HPS6: variants seen among roughly 807,000 people sequenced by gnomAD.
The protein encoded by HPS6 is HPS6 biogenesis of lysosomal organelles complex 2 subunit 3, also known as BLOC-2 complex member HPS6.
In HPS6, 46 loss-of-function variants were observed where a neutral mutation model predicts 53.6. The ratio of observed to expected loss-of-function variants is 0.86; its 90% CI spans 0.68 to 1.10. The LOEUF (loss-of-function observed/expected upper bound fraction) is 1.10. Among genes scored for constraint, HPS6 ranks in the 50% least tolerant of loss-of-function variants. The probability of loss-of-function intolerance (pLI) is 0.00; values close to 1 mark genes in which losing one functional copy is unlikely to be tolerated. For missense variants in HPS6, 1,034 were observed against 991.3 expected (o/e 1.04, Z -0.58); for synonymous variants, 535 against 470.8 (o/e 1.14, Z -1.77).
In HPS6 at chr10:102,066,548, G is replaced by A. The variant is rs1035404221; in HGVS notation, c.1074G>A (p.Pro358=). 1.2e-6 allele frequency: 2 copies of A among 1,614,170 alleles called. No homozygotes were observed. Among genetic ancestry groups the A allele is most frequent in the Non-Finnish European group, 1.7e-6 (2 of 1,180,044 alleles). Residue 358 remains proline, a synonymous_variant, in exon 1 of 1, where the codon CCG becomes CCA. Coordinates refer to ENST00000299238, the MANE Select transcript of HPS6 (RefSeq NM_024747.6). ...CAGACAGGGTACATCTGCTAGAACC[G>A]CCAGCCCCCGGCATGGAGGATGAGG... ...LSTDRVHLLE[P]PAPGMEDEEE... is the part of the protein sequence containing the mutation.
rs2067969237 is a variant in HPS6 at position 102,066,255 on chromosome 10, T to A, written c.781T>A (p.Leu261Met). Reference protein sequence around the residue: ...FRTLLRGLPGLLSPREPLAVH... With the variant: ...FRTLLRGLPGMLSPREPLAVH... ...GACCCTGCTCCGAGGCCTTCCTGGGTTGCTGTCCCCCAGGGAGCCACTGGC... is the reference window on the plus strand; with the variant it reads ...GACCCTGCTCCGAGGCCTTCCTGGGATGCTGTCCCCCAGGGAGCCACTGGC... The change falls in exon 1 of 1, where the codon TTG becomes ATG. Residue 261 changes from leucine (L) to methionine (M), a missense_variant. Transcript: ENST00000299238. 6.2e-7 allele frequency: 1 copy of A among 1,613,910 alleles called. No homozygotes were observed.
In HPS6 at chr10:102,065,518, C is replaced by G. The variant is rs764430976; in HGVS notation, c.44C>G (p.Ala15Gly). ...CTGCGGCTGCTCTCGGACCTGAGCGCCTTCGGCGGCGCGGCGCGGCTCCGG... is the reference window on the plus strand; with the variant it reads ...CTGCGGCTGCTCTCGGACCTGAGCGGCTTCGGCGGCGCGGCGCGGCTCCGG... The part of the protein sequence containing the change: ...GTLRLLSDLS[A>G]FGGAARLREL... Residue 15 changes from alanine to glycine, a missense_variant, in exon 1 of 1, where the codon GCC becomes GGC. Physicochemically the swap from Ala to Gly is moderately conservative, Grantham distance 60. Transcript: ENST00000299238. 11 of 1,554,730 alleles carry G rather than the reference C, an allele frequency of 7.1e-6. No individual in the cohort carries two copies. Among genetic ancestry groups the G allele is most frequent in the Non-Finnish European group, 9.5e-6 (11 of 1,162,044 alleles).
In HPS6 at chr10:102,066,124, T is replaced by G; in HGVS notation, c.650T>G (p.Leu217Arg). 6.2e-7 allele frequency: 1 copy of G among 1,613,732 alleles called. No individual in the cohort carries two copies. Among genetic ancestry groups the G allele is most frequent in the Non-Finnish European group, 8.5e-7 (1 of 1,180,032 alleles). Residue 217 changes from leucine to arginine, a missense_variant, in exon 1 of 1, where the codon CTC (leucine) becomes CGC (arginine). Transcript: ENST00000299238. Reference sequence around the variant, plus strand: ...TGGCCTGGCGTGGCCCACGTTCTACTCATCTGGAGCCCAGGCAAGGGCAAA... The same window carrying G: ...TGGCCTGGCGTGGCCCACGTTCTACGCATCTGGAGCCCAGGCAAGGGCAAA... ...TTWPGVAHVL[L>R]IWSPGKGKVM...
chr10:102,067,398 C>A lies in HPS6; in HGVS notation c.1924C>A (p.Gln642Lys). 6.2e-7 allele frequency: 1 copy of A among 1,612,904 alleles called. No homozygotes were observed. Residue 642 changes from glutamine (Q) to lysine (K), a missense_variant, in exon 1 of 1, where the codon CAG (glutamine) becomes AAG (lysine). Physicochemically the swap from Gln to Lys is moderately conservative, Grantham distance 53. Transcript: ENST00000299238. ...RPKAVLQAVG[Q>K]LVQKEQWDRA... ...TAAAGCTGTGCTCCAAGCTGTCGGGCAGCTGGTGCAAAAGGAACAATGGGA... is the reference window on the plus strand; with the variant it reads ...TAAAGCTGTGCTCCAAGCTGTCGGGAAGCTGGTGCAAAAGGAACAATGGGA...
At position 102,066,818 on chromosome 10, in the gene HPS6, A is replaced by G. The variant is rs2067974550; in HGVS notation, c.1344A>G (p.Pro448=). 2 of 1,614,180 alleles carry G rather than the reference A, an allele frequency of 1.2e-6. No individual in the cohort carries two copies. Among genetic ancestry groups the G allele is most frequent in the African/African-American group, 2.7e-5 (2 of 75,046 alleles). ...LASILQGHLP[P]SALLTMLRTE... ...CCATCCTCCAGGGCCACCTGCCCCC[A>G]TCTGCACTGCTGACCATGTTGAGGA... The change falls in exon 1 of 1, where the codon CCA becomes CCG. Residue 448 remains proline (P), a synonymous_variant. Coordinates refer to ENST00000299238, the MANE Select transcript of HPS6 (RefSeq NM_024747.6).
In HPS6 at chr10:102,067,675, G is replaced by A; in HGVS notation, c.2201G>A (p.Gly734Asp). ...EPGAEPPLTV[G>D]LLKALLEQTG... ...GGAGCAGAGCCCCCTCTCACTGTGG[G>A]CTTGCTCAAAGCCCTGCTGGAGCAG... The change falls in exon 1 of 1, where the codon GGC (glycine) becomes GAC (aspartate). Residue 734 changes from glycine (G) to aspartate (D), a missense_variant. Coordinates refer to ENST00000299238, the MANE Select transcript of HPS6 (RefSeq NM_024747.6). 3 of 1,613,922 alleles carry A rather than the reference G, an allele frequency of 1.9e-6. No individual in the cohort carries two copies. The highest frequency in any genetic ancestry group is 2.2e-5 in the South Asian group (2 of 91,086).
At position 102,065,570 on chromosome 10, in the gene HPS6, C is replaced by A. The variant is rs752360566; in HGVS notation, c.96C>A (p.Val32=). ...AGCTGGTGGCCGGGGACTCAGCGGT[C>A]CGAGTCCGTGGCAGTCCGGACGGCC... ...LRELVAGDSA[V]RVRGSPDGRH... is the part of the protein sequence containing the mutation. The change falls in exon 1 of 1, where the codon GTC becomes GTA. Residue 32 remains valine (V), a synonymous_variant. Transcript: ENST00000299238. 1.3e-6 allele frequency: 2 copies of A among 1,548,694 alleles called. No individual in the cohort carries two copies. Among genetic ancestry groups the A allele is most frequent in the South Asian group, 1.2e-5 (1 of 84,784 alleles).
Position 102,067,533 on chromosome 10 carries a change from C to T in HPS6, c.2059C>T (p.His687Tyr), listed in dbSNP as rs2067981280. ...EFAQHRRLDA[H>Y]LPLLCRLCPP... Reference sequence around the variant, plus strand: ...TGCCCAGCACCGCCGGCTTGATGCTCACCTCCCCCTCCTTTGCCGCCTGTG... The same window carrying T: ...TGCCCAGCACCGCCGGCTTGATGCTTACCTCCCCCTCCTTTGCCGCCTGTG... Residue 687 changes from histidine to tyrosine, a missense_variant, in exon 1 of 1, where the codon CAC becomes TAC. Coordinates refer to ENST00000299238, the MANE Select transcript of HPS6 (RefSeq NM_024747.6). 2.5e-6 allele frequency: 4 copies of T among 1,613,730 alleles called. No individual in the cohort carries two copies. The highest frequency in any genetic ancestry group is 2.5e-6 in the Non-Finnish European group (3 of 1,180,038).
Position 102,066,748 on chromosome 10 carries a change from A to T in HPS6, c.1274A>T (p.Glu425Val). 7 of 1,614,056 alleles carry T rather than the reference A, an allele frequency of 4.3e-6. No individual in the cohort carries two copies. Among genetic ancestry groups the T allele is most frequent in the Non-Finnish European group, 5.9e-6 (7 of 1,180,014 alleles). ...SLRGAQLTPE[E>V]LRHSSTFRAP... ...CGGGGTGCCCAGCTCACTCCAGAAG[A>T]ACTGAGACACAGCAGCACATTCCGG... Residue 425 changes from glutamate (E) to valine (V), a missense_variant, in exon 1 of 1, where the codon GAA becomes GTA. Transcript: ENST00000299238.
Position 102,065,600 on chromosome 10 carries a change from C to T in HPS6, c.126C>T (p.His42=). The T allele has an allele frequency of 6.5e-7, 1 of 1,547,746 alleles. No homozygotes were observed. The highest frequency in any genetic ancestry group is 8.6e-7 in the Non-Finnish European group (1 of 1,158,898). Residue 42 remains histidine, a synonymous_variant, in exon 1 of 1, where the codon CAC becomes CAT. Coordinates refer to ENST00000299238, the MANE Select transcript of HPS6 (RefSeq NM_024747.6). ...TCCGTGGCAGTCCGGACGGCCGCCA[C>T]TTGCTGCTCCTGCGACCCCCTGGGG... is the stretch of plus-strand genomic sequence containing the variant. The part of the protein sequence containing the change: ...VRVRGSPDGR[H]LLLLRPPGAV...
chr10:102,067,739 C>T lies in HPS6; in HGVS notation c.2265C>T (p.Ser755=). 6.2e-7 allele frequency: 1 copy of T among 1,613,264 alleles called. No individual in the cohort carries two copies. Residue 755 remains serine, a synonymous_variant, in exon 1 of 1, where the codon AGC becomes AGT. Coordinates refer to ENST00000299238, the MANE Select transcript of HPS6 (RefSeq NM_024747.6). ...GATGGCTGTCGGGCCCAGTTCTAAG[C>T]CCATATGAGGACATCCTATGGGACC... The part of the protein sequence containing the change: ...AQGWLSGPVL[S]PYEDILWDPS...
Position 102,067,706 on chromosome 10 carries a change from G to C in HPS6, c.2232G>C (p.Gly744=), listed in dbSNP as rs367817082. Residue 744 remains glycine (G), a synonymous_variant, in exon 1 of 1, where the codon GGG becomes GGC. Coordinates refer to ENST00000299238, the MANE Select transcript of HPS6 (RefSeq NM_024747.6). ...GLLKALLEQT[G]AQGWLSGPVL... ...TCAAAGCCCTGCTGGAGCAGACTGGGGCTCAAGGATGGCTGTCGGGCCCAG... is the reference window on the plus strand; with the variant it reads ...TCAAAGCCCTGCTGGAGCAGACTGGCGCTCAAGGATGGCTGTCGGGCCCAG... The C allele has an allele frequency of 2.5e-6, 4 of 1,613,568 alleles. No individual in the cohort carries two copies. The African/African-American group carries it at 4.0e-5, about 16-fold the overall frequency.
chr10:102,065,572 G>A lies in HPS6; in HGVS notation c.98G>A (p.Arg33Gln). The part of the protein sequence containing the change: ...RELVAGDSAV[R>Q]VRGSPDGRHL... The stretch of plus-strand genomic sequence containing the variant: ...CTGGTGGCCGGGGACTCAGCGGTCC[G>A]AGTCCGTGGCAGTCCGGACGGCCGC... Residue 33 changes from arginine (R) to glutamine (Q), a missense_variant, in exon 1 of 1, where the codon CGA becomes CAA. Transcript: ENST00000299238. 6.5e-7 allele frequency: 1 copy of A among 1,548,532 alleles called. No individual in the cohort carries two copies. The highest frequency in any genetic ancestry group is 8.6e-7 in the Non-Finnish European group (1 of 1,159,270).
At position 102,066,914 on chromosome 10, in the gene HPS6, T is replaced by A. The variant is rs2136334737; in HGVS notation, c.1440T>A (p.Ala480=). The A allele has an allele frequency of 6.2e-6, 10 of 1,614,148 alleles. No homozygotes were observed. The highest frequency in any genetic ancestry group is 8.5e-6 in the Non-Finnish European group (10 of 1,180,018). The change falls in exon 1 of 1, where the codon GCT becomes GCA. Residue 480 remains alanine, a synonymous_variant. Coordinates refer to ENST00000299238, the MANE Select transcript of HPS6 (RefSeq NM_024747.6). ...TGGTGGCTGGGGATGATGAGGAGGC[T>A]GGTTGGACTGAGCTGGCGGAGCAGG... ...AQLVAGDDEE[A]GWTELAEQEV... is the part of the protein sequence containing the mutation.
Position 102,066,949 on chromosome 10 carries a change from G to A in HPS6, c.1475G>A (p.Arg492His), listed in dbSNP as rs369226731. 7.7e-5 allele frequency: 125 copies of A among 1,614,046 alleles called. 1 individual carries two copies. The South Asian group carries it at 1.2e-3, about 16-fold the overall frequency. The change falls in exon 1 of 1, where the codon CGC becomes CAC. Residue 492 changes from arginine (R) to histidine (H), a missense_variant. By Grantham distance (29) the Arg-to-His change is conservative. Coordinates refer to ENST00000299238, the MANE Select transcript of HPS6 (RefSeq NM_024747.6). ...WTELAEQEVA[R>H]LLRTELIGDQ... ...GAGCTGGCGGAGCAGGAAGTGGCAC[G>A]CCTGCTGAGGACTGAGTTGATAGGA...
In HPS6 at chr10:102,065,700, C is replaced by T. The variant is rs1331719815; in HGVS notation, c.226C>T (p.Pro76Ser). ...ELERAWPAGQPSPLDAFFLPW... is the reference protein window; with the variant it reads ...ELERAWPAGQSSPLDAFFLPW... The stretch of plus-strand genomic sequence containing the variant: ...AGAGCGGGCCTGGCCGGCCGGCCAG[C>T]CCTCCCCGCTGGACGCCTTCTTCCT... Residue 76 changes from proline (P) to serine (S), a missense_variant, in exon 1 of 1, where the codon CCC becomes TCC. Transcript: ENST00000299238. 11 of 1,511,842 alleles carry T rather than the reference C, an allele frequency of 7.3e-6. No individual in the cohort carries two copies. The highest frequency in any genetic ancestry group is 2.2e-4 in the Middle Eastern group (1 of 4,458). The allele number at this position is 1,511,842 out of a possible 1,614,324, so 93.7% of individuals were successfully genotyped here. A position where few individuals can be genotyped will look rare whatever the true frequency, so the allele number is the denominator to read the frequency against.
rs958690382 is a variant in HPS6, at chr10:102,065,484, T to TC, written c.11dup (p.Thr6AspfsTer170). Reference sequence around the variant, plus strand: ...CCCGCGCAGCGGCGCCATGAAGCGCTCGGGGACTCTGCGGCTGCTCTCGGA... The same window carrying TC: ...CCCGCGCAGCGGCGCCATGAAGCGCTCCGGGGACTCTGCGGCTGCTCTCGGA... On this transcript the variant is annotated frameshift_variant, in exon 1 of 1. Transcript: ENST00000299238. LOFTEE classifies it low-confidence loss of function (END_TRUNC). 3 of 1,559,740 alleles carry TC rather than the reference T, an allele frequency of 1.9e-6. No homozygotes were observed. The African/African-American group carries it at 4.2e-5, about 22-fold the overall frequency.
Position 102,066,069 on chromosome 10 carries a change from C to G in HPS6, c.595C>G (p.Gln199Glu). ...PAFGLLASCR[Q>E]LFLVPTATTW... ...CTTCGGGCTGCTGGCCTCCTGCAGACAACTCTTCCTGGTGCCCACTGCCAC... is the reference window on the plus strand; with the variant it reads ...CTTCGGGCTGCTGGCCTCCTGCAGAGAACTCTTCCTGGTGCCCACTGCCAC... The change falls in exon 1 of 1, where the codon CAA (glutamine) becomes GAA (glutamate). Residue 199 changes from glutamine to glutamate, a missense_variant. By Grantham distance (29) the Gln-to-Glu change is conservative. Coordinates refer to ENST00000299238, the MANE Select transcript of HPS6 (RefSeq NM_024747.6). 1 of 1,612,152 alleles carries G rather than the reference C, an allele frequency of 6.2e-7. No individual in the cohort carries two copies. Among genetic ancestry groups the G allele is most frequent in the Non-Finnish European group, 8.5e-7 (1 of 1,180,028 alleles).
In HPS6 at chr10:102,066,520, G is replaced by C. The variant is rs2067971577; in HGVS notation, c.1046G>C (p.Ser349Thr). The change falls in exon 1 of 1, where the codon AGT becomes ACT. Residue 349 changes from serine (S) to threonine (T), a missense_variant. By Grantham distance (58) the Ser-to-Thr change is moderately conservative. Transcript: ENST00000299238. ...CAGCTGCTGGAGAGGAAGGTCCTAA[G>C]TACAGACAGGGTACATCTGCTAGAA... ...SGQLLERKVLSTDRVHLLEPP... is the reference protein window; with the variant it reads ...SGQLLERKVLTTDRVHLLEPP... 5 of 1,614,214 alleles carry C rather than the reference G, an allele frequency of 3.1e-6. No individual in the cohort carries two copies. The highest frequency in any genetic ancestry group is 4.2e-6 in the Non-Finnish European group (5 of 1,180,036).
Sources: allele counts gnomAD v4.1 joint callset, GRCh38; gene constraint gnomAD v4.1.1; transcripts MANE v1.5; gene names NCBI Gene and HGNC (gene_info 2026-07-23, HGNC 2026-07-21).